Variants in CAMTA1 observed in about 807,000 individuals in gnomAD.
CAMTA1 encodes the protein calmodulin-binding transcription activator 1.
Under a neutral mutation model 170.9 loss-of-function variants are expected in CAMTA1, and 27 were observed. The ratio of observed to expected loss-of-function variants is 0.16; its 90% CI spans 0.12 to 0.22. The LOEUF (loss-of-function observed/expected upper bound fraction) is 0.22. Ranked by LOEUF, CAMTA1 falls within the 10% of genes least tolerant of loss-of-function variation. The probability of loss-of-function intolerance (pLI) is 1.00; values close to 1 mark genes in which losing one functional copy is unlikely to be tolerated. For missense variants in CAMTA1, 1,619 were observed against 2,217.2 expected (o/e 0.73, Z 5.42); for synonymous variants, 833 against 891.5 (o/e 0.93, Z 1.17).
intron 11 of CAMTA1, among the ~76,000 whole-genome samples, chr1:7,731,170 A>G (rs1489590834): frequency 6.6e-6 from 1 of 152,112 alleles, no homozygotes; most frequent in Admixed American, 6.6e-5. Flanking sequence ...CAGAATCACA[A>G]CGTGTTTTCT....
At position 7,448,333 on chromosome 1, in the gene CAMTA1, G is replaced by C. The variant is rs146816429; in HGVS notation, c.439-19497G>C. ...GTGACAGGAAGGTGTGAAACCTGACGTTTCCTTGGGTCTGGAATGTGTGCG... is the reference window on the plus strand; with the variant it reads ...GTGACAGGAAGGTGTGAAACCTGACCTTTCCTTGGGTCTGGAATGTGTGCG... On this transcript the variant is annotated intron_variant, in intron 5 of 22. Coordinates refer to ENST00000303635, the MANE Select transcript of CAMTA1 (RefSeq NM_015215.4). 3.0e-4 allele frequency among the ~76,000 whole-genome samples: 46 copies of C among 152,292 alleles called. No homozygotes were observed. The East Asian group carries it at 8.5e-3, about 28-fold the overall frequency.
At chr1:7,135,539 C>T (rs1209056179) in intron 4 of CAMTA1, among the ~76,000 whole-genome samples, 1 of 152,142 alleles carries the variant, frequency 6.6e-6, no homozygotes, top group East Asian at 1.9e-4. Context: ...CTTGGTGCTG[C>T]AGGACCTGGA....
intron 6 of CAMTA1, among the ~76,000 whole-genome samples, chr1:7,472,187 CACGG>C (rs773500130): frequency 2.0e-5 from 3 of 152,300 alleles, no homozygotes; most frequent in South Asian, 4.1e-4. Context: ...GGGGCAAGAG[CACGG>C]CTGCGGGGAG....
At chr1:7,377,205 T>C (rs1297878235) in intron 5 of CAMTA1, among the ~76,000 whole-genome samples, 1 of 152,166 alleles carries the variant, frequency 6.6e-6, no homozygotes, top group Admixed American at 6.5e-5. Context: ...TTCAAGCATT[T>C]ACTAGGGACT....
intron 5 of CAMTA1, among the ~76,000 whole-genome samples, chr1:7,391,212 G>C (rs2088672320): frequency 6.6e-6 from 1 of 152,096 alleles, no homozygotes; most frequent in Admixed American, 6.5e-5. Context: ...GGTCAGGCTG[G>C]TCTCCAACTC....
intron 3 of CAMTA1, among the ~76,000 whole-genome samples, chr1:6,939,366 G>A (rs1248466893): frequency 6.6e-6 from 1 of 152,196 alleles, no homozygotes; most frequent in Non-Finnish European, 1.5e-5. Context: ...ATTATGGGTT[G>A]TGCATTTCAT....
Position 7,091,407 on chromosome 1 carries a change from A to G in CAMTA1, c.302+36A>G, listed in dbSNP as rs531861098. ...AGATCTTGCAGTTTTTCAAATGTGTACCATAAGTGGATTGATTTGCATTGA... is the reference window on the plus strand; with the variant it reads ...AGATCTTGCAGTTTTTCAAATGTGTGCCATAAGTGGATTGATTTGCATTGA... On this transcript the variant is annotated intron_variant, in intron 4 of 22. Transcript: ENST00000303635. 68 of 1,482,998 alleles carry G rather than the reference A, an allele frequency of 4.6e-5. No homozygotes were observed. The South Asian group carries it at 6.9e-4, about 15-fold the overall frequency. 91.9% of individuals were successfully genotyped at this position (1,482,998 alleles called of 1,614,324 possible).
intron 22 of CAMTA1, among the ~76,000 whole-genome samples, chr1:7,764,084 A>T (rs898837564): frequency 2.6e-5 from 4 of 152,172 alleles, no homozygotes; most frequent in African/African-American, 9.7e-5. Flanking sequence ...AATTGAACAG[A>T]CTATAGCATG....
At chr1:7,036,320 G>GA (rs1193027788) in intron 3 of CAMTA1, among the ~76,000 whole-genome samples, 2 of 152,184 alleles carry the variant, frequency 1.3e-5, no homozygotes, top group Non-Finnish European at 2.9e-5. Flanking sequence ...GAAGAAGAGA[G>GA]AATGTGTGAA....
Position 7,249,638 on chromosome 1 carries a change from A to G in CAMTA1, c.438+12A>G, listed in dbSNP as rs761526704. 10 of 1,612,668 alleles carry G rather than the reference A, an allele frequency of 6.2e-6. No homozygotes were observed. Among genetic ancestry groups the G allele is most frequent in the Non-Finnish European group, 8.5e-6 (10 of 1,179,466 alleles). On this transcript the variant is annotated intron_variant, in intron 5 of 22. Coordinates refer to ENST00000303635, the MANE Select transcript of CAMTA1 (RefSeq NM_015215.4). This position sits in a 1 kb window ranked among gnomAD's most constrained non-coding sequence, Gnocchi z 4.4. The stretch of plus-strand genomic sequence containing the variant: ...TCCAGGGAGTGGAGGTAAACAGCAG[A>G]AAAGGTTCCCTTGGTGCACAAATGT...
At chr1:7,348,452 G>A (rs1028171883) in intron 5 of CAMTA1, among the ~76,000 whole-genome samples, 10 of 152,166 alleles carry the variant, frequency 6.6e-5, no homozygotes, top group African/African-American at 2.4e-4. Flanking sequence ...GGGCCCACTC[G>A]TGGTCCAGAC....
intron 5 of CAMTA1, among the ~76,000 whole-genome samples, chr1:7,422,538 AGCAGAGATGGGAT>A (rs1217037388): frequency 1.3e-4 from 20 of 152,198 alleles, no homozygotes; most frequent in African/African-American, 4.6e-4. Flanking sequence ...ACAGCAGCCT[AGCAGAGATGGGAT>A]GCCATGAGGA....
intron 4 of CAMTA1, among the ~76,000 whole-genome samples, chr1:7,098,780 T>A (rs1558093414): frequency 6.6e-6 from 1 of 152,158 alleles, no homozygotes; most frequent in Non-Finnish European, 1.5e-5. Flanking sequence ...TCACATACAC[T>A]GGGCTCCTGA....
chr1:7,200,637 T>C (rs988768123), intron 4 of CAMTA1, among the ~76,000 whole-genome samples: 7 of 152,210 alleles, frequency 4.6e-5, no homozygotes, highest in African/African-American at 1.7e-4. Flanking sequence ...AGGTTCCGCA[T>C]AGATTAGATT....
chr1:6,938,645 G>A (rs1001809460), intron 3 of CAMTA1, among the ~76,000 whole-genome samples: 5 of 152,178 alleles, frequency 3.3e-5, no homozygotes, highest in African/African-American at 1.2e-4. Context: ...TGGTCAGTCG[G>A]AGCTGGTAGG....
intron 5 of CAMTA1, among the ~76,000 whole-genome samples, chr1:7,434,115 C>T (rs1440731990): frequency 6.6e-6 from 1 of 152,178 alleles, no homozygotes; most frequent in African/African-American, 2.4e-5. Flanking sequence ...CCTCCCCAAG[C>T]ATCCATGCCT....
chr1:7,250,845 TTTAA>T (rs1378528170), intron 5 of CAMTA1, among the ~76,000 whole-genome samples: 2 of 152,142 alleles, frequency 1.3e-5, no homozygotes, highest in African/African-American at 4.8e-5. Context: ...CACAGTGTGG[TTTAA>T]TTGACTGCAC....
chr1:7,080,128 C>G (rs755861250), intron 3 of CAMTA1, among the ~76,000 whole-genome samples: 1 of 152,168 alleles, frequency 6.6e-6, no homozygotes, highest in Non-Finnish European at 1.5e-5. Flanking sequence ...TATGGGATAA[C>G]ACAATTGTAG....
chr1:7,243,040 T>C (rs1191343746), intron 4 of CAMTA1, among the ~76,000 whole-genome samples: 3 of 152,204 alleles, frequency 2.0e-5, no homozygotes, highest in Non-Finnish European at 2.9e-5. Context: ...TGATTGTGTA[T>C]ACTGAATTTG....
Sources: gnomAD v4.1 joint callset for allele counts (sites outside exome capture counted in the v4.1 genomes callset) on GRCh38, gnomAD v4.1.1 for gene constraint, Gnocchi (gnomAD v3.1) non-coding constraint, MANE v1.5 for transcripts, NCBI Gene and HGNC (gene_info 2026-07-23, HGNC 2026-07-21) for gene names.